Variants in GTF2H3 observed in about 807,000 individuals in gnomAD.
GTF2H3 encodes general transcription factor IIH subunit 3.
GTF2H3 carries 42 observed loss-of-function variants against 51.1 expected under a neutral mutation model. That is an observed-to-expected ratio of 0.82 (90% CI 0.64 to 1.06). The LOEUF is 1.06. Among genes scored for constraint, GTF2H3 ranks in the 50% least tolerant of loss-of-function variants. The pLI is 0.00. For missense variants in GTF2H3, 326 were observed against 366.1 expected (o/e 0.89, Z 0.89); for synonymous variants, 123 against 123.8 (o/e 0.99, Z 0.04).
intron 5 of GTF2H3, among the ~76,000 whole-genome samples, chr12:123,652,326 T>C (rs1263022964): frequency 1.3e-5 from 2 of 152,070 alleles, no homozygotes; most frequent in African/African-American, 4.8e-5. Flanking sequence ...TATATTTTGG[T>C]GAGATTACAA....
chr12:123,650,433 T>G (rs1955505949), intron 4 of GTF2H3: 1 of 153,232 alleles, frequency 6.5e-6, no homozygotes, highest in African/African-American at 2.4e-5. Flanking sequence ...GCTAGACTTA[T>G]GCGTGACATT....
At chr12:123,653,444 G>A (rs1955544242) in intron 7 of GTF2H3, among the ~76,000 whole-genome samples, 1 of 152,048 alleles carries the variant, frequency 6.6e-6, no homozygotes, top group African/African-American at 2.4e-5. Flanking sequence ...GGTGGATCAC[G>A]AGGTCAGGAG....
intron 2 of GTF2H3, among the ~76,000 whole-genome samples, chr12:123,640,557 C>T (rs1955355725): frequency 6.6e-6 from 1 of 151,898 alleles, no homozygotes; most frequent in South Asian, 2.1e-4. Flanking sequence ...AGGCTGATCT[C>T]GAACTCCTAA....
intron 3 of GTF2H3, 92 bp downstream of exon 3, chr12:123,645,653 CAAAAGA>C (rs1955436281): frequency 8.8e-6 from 6 of 682,128 alleles, no homozygotes; most frequent in Non-Finnish European, 1.3e-5. Flanking sequence ...CTCCATGTTG[CAAAAGA>C]AAATGTTTTC....
chr12:123,659,928 C>T lies in GTF2H3; in HGVS notation c.818C>T (p.Ser273Leu). The T allele has an allele frequency of 1.2e-6, 2 of 1,612,830 alleles. No individual in the cohort carries two copies. Among genetic ancestry groups the T allele is most frequent in the Non-Finnish European group, 1.7e-6 (2 of 1,179,758 alleles). ...GGTTATGTCTGTTCTGTGTGTTTGT[C>T]AAGTAAGTTAATGTACCTAGTTTTT... ...EIGYVCSVCL[S>L]IFCNFSPICT... Residue 273 changes from serine (S) to leucine (L), a missense_variant and splice_region_variant, in exon 11 of 13, where the codon TCA becomes TTA. By Grantham distance (145) the Ser-to-Leu change is moderately radical. Transcript: ENST00000543341.
At chr12:123,641,486 A>G (rs1449090376) in intron 2 of GTF2H3, among the ~76,000 whole-genome samples, 3 of 151,300 alleles carry the variant, frequency 2.0e-5, no homozygotes, top group Non-Finnish European at 4.4e-5. Context: ...TCGACCTCCC[A>G]AAGTGCTGGG....
intron 2 of GTF2H3, 51 bp from the exon 3 acceptor site, chr12:123,645,404 G>A: frequency 4.1e-6 from 4 of 964,658 alleles, no homozygotes; most frequent in Non-Finnish European, 5.1e-6. Flanking sequence ...GACCTGACAT[G>A]GTTATTTGGA....
At chr12:123,646,519 C>T (rs766212605) in intron 3 of GTF2H3, among the ~76,000 whole-genome samples, 1 of 152,254 alleles carries the variant, frequency 6.6e-6, no homozygotes, top group African/African-American at 2.4e-5. Flanking sequence ...ACCCCAGCCT[C>T]CCCAAGTGCT....
At chr12:123,640,051 G>A (rs1029353489) in intron 2 of GTF2H3, 2 of 437,162 alleles carry the variant, frequency 4.6e-6, no homozygotes, top group African/African-American at 4.0e-5. Flanking sequence ...GTAGAGATGG[G>A]GTTTTGCCAT....
Position 123,660,166 on chromosome 12 carries a change from G to C in GTF2H3, c.858G>C (p.Glu286Asp). 1.2e-6 allele frequency: 2 copies of C among 1,611,372 alleles called. No homozygotes were observed. The highest frequency in any genetic ancestry group is 1.7e-6 in the Non-Finnish European group (2 of 1,179,046). The change falls in exon 13 of 13, where the codon GAG becomes GAC. Residue 286 changes from glutamate (E) to aspartate (D), a missense_variant and splice_region_variant. By Grantham distance (45) the Glu-to-Asp change is conservative. Coordinates refer to ENST00000543341, the MANE Select transcript of GTF2H3 (RefSeq NM_001516.5). ...CNFSPICTTCETAFKISLPPV... is the reference protein window; with the variant it reads ...CNFSPICTTCDTAFKISLPPV... Reference sequence around the variant, plus strand: ...AATGTTTTCCTCTCTGTAATTTCAGGACAGCCTTTAAAATTTCTCTGCCTC... The same window carrying C: ...AATGTTTTCCTCTCTGTAATTTCAGCACAGCCTTTAAAATTTCTCTGCCTC...
At chr12:123,654,811 A>G (rs1290223167) in intron 7 of GTF2H3, 113 bp from the exon 8 acceptor site, 1 of 748,912 alleles carries the variant, frequency 1.3e-6, no homozygotes, top group African/African-American at 1.7e-5. Context: ...AACAATGATA[A>G]ATGGGAAGAC....
intron 9 of GTF2H3, 83 bp from the exon 10 acceptor site, chr12:123,659,433 C>G (rs749680653): frequency 7.3e-6 from 7 of 959,422 alleles, no homozygotes; most frequent in Non-Finnish European, 1.2e-5. Context: ...TTTGTAGGCC[C>G]AAGGCATTGC....
intron 2 of GTF2H3, among the ~76,000 whole-genome samples, chr12:123,642,419 T>TCA (rs1955390507): frequency 6.6e-6 from 1 of 152,144 alleles, no homozygotes; most frequent in Non-Finnish European, 1.5e-5. Flanking sequence ...TCCGCCCACC[T>TCA]CAGCCTCCCA....
chr12:123,647,949 C>T lies in GTF2H3; in HGVS notation c.201-14C>T. 6.2e-7 allele frequency: 1 copy of T among 1,605,168 alleles called. No individual in the cohort carries two copies. Among genetic ancestry groups the T allele is most frequent in the Non-Finnish European group, 8.5e-7 (1 of 1,176,706 alleles). ...AGGCCTGGTGTAACCAGGTTTTTTC[C>T]CCTGCTGTTTCAGCCGATTCTTATA... On this transcript the variant is annotated splice_polypyrimidine_tract_variant and intron_variant, in intron 3 of 12. Coordinates refer to ENST00000543341, the MANE Select transcript of GTF2H3 (RefSeq NM_001516.5).
chr12:123,639,345 T>G lies in GTF2H3; in HGVS notation c.93+2T>G. On this transcript the variant is annotated splice_donor_variant, in intron 2 of 12. Coordinates refer to ENST00000543341, the MANE Select transcript of GTF2H3 (RefSeq NM_001516.5). LOFTEE classifies it high-confidence loss of function. ...AAGCAAGCATTAAAGGAATCTCAGG[T>G]AAGACTGCTTGAGGAGGCCTTTGGA... The G allele has an allele frequency of 1.3e-6, 2 of 1,510,316 alleles. No individual in the cohort carries two copies. Among genetic ancestry groups the G allele is most frequent in the Non-Finnish European group, 1.8e-6 (2 of 1,085,684 alleles). 93.6% of individuals were successfully genotyped at this position (1,510,316 alleles called of 1,614,324 possible).
At chr12:123,645,797 A>G (rs1340416772) in intron 3 of GTF2H3, among the ~76,000 whole-genome samples, 1 of 152,224 alleles carries the variant, frequency 6.6e-6, no homozygotes, top group Non-Finnish European at 1.5e-5. Flanking sequence ...CACAGATTGA[A>G]CTATATTATT....
chr12:123,657,756 T>C (rs571779791), intron 9 of GTF2H3, among the ~76,000 whole-genome samples: 1 of 152,344 alleles, frequency 6.6e-6, no homozygotes, highest in South Asian at 2.1e-4. Flanking sequence ...TCTAAAACAG[T>C]TGTTAAATGT....
intron 4 of GTF2H3, chr12:123,649,050 T>G (rs1955487348): frequency 6.6e-6 from 1 of 152,518 alleles, no homozygotes; most frequent in African/African-American, 2.4e-5. Context: ...CACTGCAACC[T>G]CCGCCTCCCG....
chr12:123,647,669 C>T (rs1444768436), intron 3 of GTF2H3, among the ~76,000 whole-genome samples: 4 of 152,172 alleles, frequency 2.6e-5, no homozygotes, highest in South Asian at 2.1e-4. Context: ...TATAACCCAA[C>T]GCCCTCTGTA....
Sources: allele counts gnomAD v4.1 joint callset (sites outside exome capture counted in the v4.1 genomes callset), GRCh38; gene constraint gnomAD v4.1.1; transcripts MANE v1.5; gene names NCBI Gene and HGNC (gene_info 2026-07-23, HGNC 2026-07-21).